Variants in F8 observed in about 807,000 individuals in gnomAD.
F8 encodes coagulation factor VIII.
F8 carries 12 observed loss-of-function variants against 140.6 expected under a neutral mutation model. That is an observed-to-expected ratio of 0.09 (90% CI 0.05 to 0.14). The LOEUF is 0.14. Ranked by LOEUF, F8 falls within the 10% of genes least tolerant of loss-of-function variation. The pLI is 1.00. For missense variants in F8, 1,354 were observed against 1,720.7 expected, an observed-to-expected ratio of 0.79 and a Z score of 3.77; for synonymous variants, 585 against 614.6, an observed-to-expected ratio of 0.95 and a Z score of 0.71.
At chrX:155,013,935 T>A (rs1292644282) in intron 1 of F8, among the ~76,000 whole-genome samples, 1 of 111,262 alleles carries the variant, frequency 9.0e-6, no homozygotes, top group Non-Finnish European at 1.9e-5. Context: ...TAGGACTCCA[T>A]CCTTATGGCC....
At chrX:154,896,341 T>C in intron 21 of F8, 109 bp from the exon 22 acceptor site, 1 of 837,501 alleles carries the variant, frequency 1.2e-6, no homozygotes, top group Non-Finnish European at 1.8e-6. Flanking sequence ...GGTGTGTCCA[T>C]CATTACCTTA....
intron 25 of F8, among the ~76,000 whole-genome samples, chrX:154,844,956 G>A (rs2072552441): frequency 9.0e-6 from 1 of 110,867 alleles, no homozygotes; most frequent in South Asian, 3.8e-4. Context: ...ATTATTTTGA[G>A]ATACGTCCCA....
intron 12 of F8, among the ~76,000 whole-genome samples, chrX:154,951,983 A>G: frequency 8.9e-6 from 1 of 112,513 alleles, no homozygotes; most frequent in East Asian, 2.7e-4. Flanking sequence ...CAAGAAAATG[A>G]GACAGTTTAA....
chrX:154,963,380 C>T lies in F8; in HGVS notation c.1444-2212G>A, dbSNP rs138354276. Among the ~76,000 whole-genome samples the T allele has an allele frequency of 5.6e-3, 625 of 111,836 alleles. 7 individuals are homozygous for T. Among genetic ancestry groups the T allele is most frequent in the African/African-American group, 0.019 (596 of 30,758 alleles). ...GATATACAATCATGTCATCTGCAAA[C>T]GGGGACATTTTTTATGGCTGCATAG... On this transcript the variant is annotated intron_variant, in intron 9 of 25. Coordinates refer to ENST00000360256, the MANE Select transcript of F8 (RefSeq NM_000132.4).
intron 3 of F8, among the ~76,000 whole-genome samples, chrX:154,996,664 C>T (rs1191166268): frequency 5.4e-5 from 6 of 110,935 alleles, no homozygotes; most frequent in Non-Finnish European, 7.6e-5. Context: ...TTCAGAAAAG[C>T]AATTCCTAGG....
intron 22 of F8, among the ~76,000 whole-genome samples, chrX:154,890,867 A>C (rs1411959130): frequency 1.8e-5 from 2 of 112,650 alleles, no homozygotes; most frequent in Non-Finnish European, 3.8e-5. Flanking sequence ...TCATGGAAAA[A>C]AATGGAAGCT....
Position 154,906,517 on chromosome X carries a change from T to C in F8, c.5276A>G (p.Asp1759Gly). Residue 1759 changes from aspartate (D) to glycine (G), a missense_variant, in exon 15 of 26, where the codon GAT becomes GGT. Asp to Gly is a moderately conservative substitution (Grantham distance 94). This residue lies in a region of F8 where 316 missense variants were observed against 485.4 expected (regional missense o/e 0.65). Coordinates refer to ENST00000360256, the MANE Select transcript of F8 (RefSeq NM_000132.4). ...GTATAAGGGCTGAGTAAAGGAGCCA[T>C]CAGTAAATTCCTGGAAAACAACTTT... Reference protein sequence around the residue: ...FKKVVFQEFTDGSFTQPLYRG... With the variant: ...FKKVVFQEFTGGSFTQPLYRG... The C allele has an allele frequency of 8.3e-7, 1 of 1,210,474 alleles. No individual in the cohort carries two copies. Among genetic ancestry groups the C allele is most frequent in the Non-Finnish European group, 1.1e-6 (1 of 894,568 alleles).
At chrX:154,928,464 T>C in intron 14 of F8, 107 bp downstream of exon 14, 2 of 721,164 alleles carry the variant, frequency 2.8e-6, no homozygotes, top group South Asian at 2.3e-5. Flanking sequence ...AGTAAGAGTT[T>C]CAAGACACCT....
chrX:154,869,111 C>T (rs1339036718), intron 22 of F8, among the ~76,000 whole-genome samples: 1 of 111,240 alleles, frequency 9.0e-6, no homozygotes, highest in African/African-American at 3.3e-5. Flanking sequence ...GATACTTTAA[C>T]ACCCCACTGT....
chrX:154,942,252 G>A (rs1275903688), intron 13 of F8, among the ~76,000 whole-genome samples: 1 of 108,863 alleles, frequency 9.2e-6, no homozygotes, highest in Non-Finnish European at 1.9e-5. Flanking sequence ...AGGATCAACA[G>A]AATTGATAGA....
At chrX:154,880,221 G>T (rs1433321891) in intron 22 of F8, among the ~76,000 whole-genome samples, 7 of 111,662 alleles carry the variant, frequency 6.3e-5, no homozygotes, top group African/African-American at 2.0e-4. Flanking sequence ...GTAATGTAGG[G>T]GATCAAATGC....
chrX:154,954,349 T>G (rs782808340), intron 11 of F8, among the ~76,000 whole-genome samples: 1 of 112,119 alleles, frequency 8.9e-6, no homozygotes, highest in East Asian at 2.8e-4. Flanking sequence ...CCTTATTCTC[T>G]TCATGTTCAG....
intron 23 of F8, 91 bp downstream of exon 23, chrX:154,862,992 G>A: frequency 9.7e-7 from 1 of 1,036,059 alleles, no homozygotes. Flanking sequence ...CTGATACCGG[G>A]AACCCCTCCC....
chrX:154,871,851 GA>G (rs781829278), intron 22 of F8, among the ~76,000 whole-genome samples: 3 of 111,451 alleles, frequency 2.7e-5, no homozygotes, highest in Non-Finnish European at 5.7e-5. Context: ...AAATTTACAA[GA>G]AAAAAACAAA....
intron 13 of F8, among the ~76,000 whole-genome samples, chrX:154,939,071 T>A (rs1557279440): frequency 9.0e-6 from 1 of 111,406 alleles, no homozygotes; most frequent in African/African-American, 3.3e-5. Context: ...AGCTCCAGTC[T>A]ACAGCTCCCA....
intron 13 of F8, among the ~76,000 whole-genome samples, chrX:154,944,114 G>A (rs1273278225): frequency 1.8e-5 from 2 of 111,505 alleles, no homozygotes; most frequent in African/African-American, 6.5e-5. Flanking sequence ...CATGTGCAAG[G>A]ACTTCATGTC....
chrX:155,020,911 C>T (rs782175301), intron 1 of F8, among the ~76,000 whole-genome samples: 1 of 112,075 alleles, frequency 8.9e-6, no homozygotes, highest in Admixed American at 9.5e-5. Context: ...AAAGTTCTGA[C>T]CTCTTTGGAA....
intron 1 of F8, among the ~76,000 whole-genome samples, chrX:155,013,929 A>G (rs1368348438): frequency 9.1e-6 from 1 of 109,552 alleles, no homozygotes; most frequent in Non-Finnish European, 1.9e-5. Flanking sequence ...TCAGATTAGG[A>G]CTCCATCCTT....
intron 14 of F8, among the ~76,000 whole-genome samples, chrX:154,924,982 C>T (rs1231326756): frequency 3.6e-5 from 4 of 112,126 alleles, no homozygotes; most frequent in African/African-American, 1.3e-4. Context: ...GCCTCTGGGC[C>T]GGTGATGGGA....
Sources: allele counts gnomAD v4.1 joint callset (sites outside exome capture counted in the v4.1 genomes callset), GRCh38; gene constraint gnomAD v4.1.1; regional missense constraint gnomAD v4.1.1; transcripts MANE v1.5; gene names NCBI Gene and HGNC (gene_info 2026-07-23, HGNC 2026-07-21).